The following MARCHF3 variants were observed in gnomAD, a reference collection of about 807,000 sequenced individuals.
MARCHF3 encodes the protein membrane associated ring-CH-type finger 3, also known as E3 ubiquitin-protein ligase MARCHF3.
A neutral mutation model predicts 24.2 loss-of-function variants in MARCHF3; 13 were observed. The observed-to-expected ratio is 0.54, with a 90% CI of 0.35 to 0.85. The LOEUF is 0.85. Among genes scored for constraint, MARCHF3 ranks in the 40% least tolerant of loss-of-function variants. MARCHF3 has a pLI of 0.01. For missense variants in MARCHF3, 276 were observed against 325.0 expected (o/e 0.85, Z 1.16); for synonymous variants, 144 against 137.3 (o/e 1.05, Z -0.34).
chr5:126,903,887 T>G (rs1043488461), intron 3 of MARCHF3, among the ~76,000 whole-genome samples: 1 of 151,890 alleles, frequency 6.6e-6, no homozygotes, highest in Non-Finnish European at 1.5e-5. Flanking sequence ...TATGTATACA[T>G]GTGCCATGCT....
At chr5:127,010,936 G>A (rs1752451074) in intron 1 of MARCHF3, among the ~76,000 whole-genome samples, 1 of 152,144 alleles carries the variant, frequency 6.6e-6, no homozygotes, top group South Asian at 2.1e-4. Flanking sequence ...TCTGTAGATG[G>A]ATGGTGGTGA....
chr5:127,001,701 C>T (rs147268596), intron 1 of MARCHF3, among the ~76,000 whole-genome samples: 1 of 152,322 alleles, frequency 6.6e-6, no homozygotes, highest in African/African-American at 2.4e-5. Context: ...ACTGTGGTAA[C>T]CTCCTAATGG....
At chr5:126,991,017 A>G (rs1283422383) in intron 1 of MARCHF3, among the ~76,000 whole-genome samples, 2 of 152,228 alleles carry the variant, frequency 1.3e-5, no homozygotes, top group Non-Finnish European at 2.9e-5. Flanking sequence ...AGAACTAGAA[A>G]TAGCATTCGA....
chr5:127,009,256 T>C (rs1309547398), intron 1 of MARCHF3, among the ~76,000 whole-genome samples: 1 of 152,180 alleles, frequency 6.6e-6, no homozygotes, highest in Non-Finnish European at 1.5e-5. Flanking sequence ...ATTGATTGCT[T>C]ATGTCTATGT....
chr5:126,906,681 TA>T (rs1460891546), intron 3 of MARCHF3, among the ~76,000 whole-genome samples: 1 of 152,226 alleles, frequency 6.6e-6, no homozygotes, highest in Non-Finnish European at 1.5e-5. Flanking sequence ...TATCATTTTT[TA>T]TTGTGTCTAT....
At chr5:127,022,358 C>T (rs1752831815) in intron 1 of MARCHF3, among the ~76,000 whole-genome samples, 1 of 152,006 alleles carries the variant, frequency 6.6e-6, no homozygotes, top group Non-Finnish European at 1.5e-5. Flanking sequence ...GGAGTTCTTA[C>T]CTGAAAAGAT....
chr5:126,940,901 A>G (rs1749805738), intron 1 of MARCHF3, among the ~76,000 whole-genome samples: 1 of 152,216 alleles, frequency 6.6e-6, no homozygotes, highest in South Asian at 2.1e-4. Context: ...ATCATGGACA[A>G]TGGGGTATCC....
At position 126,878,295 on chromosome 5, in the gene MARCHF3, G is replaced by A; in HGVS notation, c.493C>T (p.Leu165=). The A allele has an allele frequency of 6.2e-7, 1 of 1,614,266 alleles. No homozygotes were observed. Among genetic ancestry groups the A allele is most frequent in the Non-Finnish European group, 8.5e-7 (1 of 1,180,052 alleles). The change falls in exon 4 of 5, where the codon CTG becomes TTG. Residue 165 remains leucine (L), a synonymous_variant. Transcript: ENST00000308660. ...TGGTCCACGGCGCCCCGCAGGCACA[G>A]CCAGCCCGAGATGGTGGCCAGGGGA... The part of the protein sequence containing the change: ...ITPLATISGW[L]CLRGAVDHLH...
At position 126,938,857 on chromosome 5, in the gene MARCHF3, A is replaced by C. The variant is rs10463825; in HGVS notation, c.-56-20630T>G. ...ATGTTTCCTCAGTTTCACAGAAGCC[A>C]AAATAAATAATTTTCCTTATTTCTT... On this transcript the variant is annotated intron_variant, in intron 1 of 4. Transcript: ENST00000308660. Among the ~76,000 whole-genome samples the C allele has an allele frequency of 2.6e-3, 397 of 152,378 alleles. 9 individuals are homozygous for C. The East Asian group carries it at 0.043, about 16-fold the overall frequency.
Position 126,903,901 on chromosome 5 carries a change from G to A in MARCHF3, c.393+11029C>T, listed in dbSNP as rs554820583. Among the ~76,000 whole-genome samples, 23 of 151,770 alleles carry A rather than the reference G, an allele frequency of 1.5e-4. No individual in the cohort carries two copies. In the South Asian group the frequency reaches 4.8e-3, roughly 32 times the overall value. ...ATATGTATACATGTGCCATGCTGGT[G>A]CGCCGCACCTACTAACTCGTCATCT... On this transcript the variant is annotated intron_variant, in intron 3 of 4. Transcript: ENST00000308660.
chr5:126,914,899 TAAG>T, intron 3 of MARCHF3, 28 bp downstream of exon 3: 1 of 1,612,090 alleles, frequency 6.2e-7, no homozygotes, highest in African/African-American at 1.3e-5. Flanking sequence ...TCATTAGAGC[TAAG>T]TTTTCAGGAC....
intron 1 of MARCHF3, among the ~76,000 whole-genome samples, chr5:126,986,774 T>G (rs1439994343): frequency 6.6e-6 from 1 of 152,196 alleles, no homozygotes; most frequent in Non-Finnish European, 1.5e-5. Flanking sequence ...GGCACCTGTA[T>G]GAAAAACTGG....
chr5:126,914,647 C>G, intron 3 of MARCHF3: 1 of 512,502 alleles, frequency 2.0e-6, no homozygotes, highest in Non-Finnish European at 3.5e-6. Flanking sequence ...GAGATCAAGT[C>G]TCTAAACTGG....
chr5:126,974,925 ATATT>A (rs1417185892), intron 1 of MARCHF3, among the ~76,000 whole-genome samples: 2 of 152,198 alleles, frequency 1.3e-5, no homozygotes, highest in Non-Finnish European at 2.9e-5. Context: ...TCTGAAATCT[ATATT>A]TAAAGTGGGA....
chr5:126,977,661 A>G (rs1417654353), intron 1 of MARCHF3, among the ~76,000 whole-genome samples: 3 of 152,230 alleles, frequency 2.0e-5, no homozygotes, highest in African/African-American at 2.4e-5. Flanking sequence ...TTTATCCTAC[A>G]GTCATACTCA....
intron 3 of MARCHF3, among the ~76,000 whole-genome samples, chr5:126,911,513 T>G (rs1464858860): frequency 6.6e-6 from 1 of 152,244 alleles, no homozygotes; most frequent in Non-Finnish European, 1.5e-5. Context: ...TGAATGCTTT[T>G]CTTTCAAGCT....
Position 126,868,403 on chromosome 5 carries a change from C to A in MARCHF3, c.*2230G>T, listed in dbSNP as rs1181628544. 2 of 152,236 alleles carry A rather than the reference C, an allele frequency of 1.3e-5. No homozygotes were observed. The highest frequency in any genetic ancestry group is 2.9e-5 in the Non-Finnish European group (2 of 68,064). 9.4% of individuals were successfully genotyped at this position (152,236 alleles called of 1,614,324 possible). ...CACCCCACACACAATCTACTCCTTG[C>A]ATCTTGGACTCTGTTTTACTTCACA... On this transcript the variant is annotated 3_prime_UTR_variant, in exon 5 of 5. Transcript: ENST00000308660.
intron 3 of MARCHF3, among the ~76,000 whole-genome samples, chr5:126,910,801 CAA>C (rs1425116899): frequency 2.0e-5 from 3 of 152,304 alleles, no homozygotes; most frequent in African/African-American, 4.8e-5. Flanking sequence ...GTTCAGGAAA[CAA>C]GAGAGATAAC....
At position 126,991,897 on chromosome 5, in the gene MARCHF3, C is replaced by A. The variant is rs569842881; in HGVS notation, c.-57+38453G>T. Among the ~76,000 whole-genome samples the A allele has an allele frequency of 5.1e-4, 77 of 152,246 alleles. 2 individuals are homozygous for A. In the South Asian group the frequency reaches 0.015, roughly 30 times the overall value. On this transcript the variant is annotated intron_variant, in intron 1 of 4. Coordinates refer to ENST00000308660, the MANE Select transcript of MARCHF3 (RefSeq NM_178450.5). ...GCAGGTTAGAGTCTCAAAGATATTTCCATTGACTTTCTGCCTTTCCTAATT... is the reference window on the plus strand; with the variant it reads ...GCAGGTTAGAGTCTCAAAGATATTTACATTGACTTTCTGCCTTTCCTAATT...
Sources: gnomAD v4.1 joint callset for allele counts (sites outside exome capture counted in the v4.1 genomes callset) on GRCh38, gnomAD v4.1.1 for gene constraint, MANE v1.5 for transcripts, NCBI Gene and HGNC (gene_info 2026-07-23, HGNC 2026-07-21) for gene names.